Variants in BDP1 observed in about 807,000 individuals in gnomAD.
BDP1 encodes BDP1 general transcription factor IIIB subunit, also known as transcription factor TFIIIB component B'' homolog.
BDP1 carries 169 observed loss-of-function variants against 266.6 expected under a neutral mutation model. The ratio of observed to expected loss-of-function variants is 0.63; its 90% CI spans 0.56 to 0.72. BDP1 has a LOEUF of 0.72. Among genes scored for constraint, BDP1 ranks in the 30% least tolerant of loss-of-function variants. The pLI is 0.00. For synonymous variants in BDP1, 1,090 were observed against 1,022.4 expected (o/e 1.07, Z -1.26); for missense variants, 3,015 against 3,053.8 (o/e 0.99, Z 0.30).
At chr5:71,513,679 A>T (rs908867496) in intron 19 of BDP1, among the ~76,000 whole-genome samples, 1 of 151,344 alleles carries the variant, frequency 6.6e-6, no homozygotes, top group Non-Finnish European at 1.5e-5. Flanking sequence ...TGATTAAACA[A>T]TTTTCTTCAT....
At chr5:71,518,159 C>T (rs771893142) in intron 22 of BDP1, among the ~76,000 whole-genome samples, 4 of 152,186 alleles carry the variant, frequency 2.6e-5, no homozygotes, top group Non-Finnish European at 4.4e-5. Context: ...TTAGTAAAAA[C>T]GCCTTTCCTT....
At chr5:71,504,492 T>A in intron 15 of BDP1, 129 bp from the exon 16 acceptor site, 1 of 779,536 alleles carries the variant, frequency 1.3e-6, no homozygotes, top group East Asian at 2.8e-5. Flanking sequence ...ACATTAAAAG[T>A]ATTTTAAAGT....
At position 71,514,982 on chromosome 5, in the gene BDP1, A is replaced by G. The variant is rs1459398603; in HGVS notation, c.4509A>G (p.Thr1503=). 6.2e-7 allele frequency: 1 copy of G among 1,611,310 alleles called. No individual in the cohort carries two copies. The highest frequency in any genetic ancestry group is 1.1e-5 in the South Asian group (1 of 90,156). The change falls in exon 20 of 39, where the codon ACA becomes ACG. Residue 1503 remains threonine (T), a synonymous_variant. Transcript: ENST00000358731. ...ASLMISREKD[T]LGHRNEEAVI... ...TAATGATATCAAGAGAAAAAGACACATTAGGTCACAGGAATGAGGAGGCTG... is the reference window on the plus strand; with the variant it reads ...TAATGATATCAAGAGAAAAAGACACGTTAGGTCACAGGAATGAGGAGGCTG...
In BDP1 at chr5:71,532,380, G is replaced by GT; in HGVS notation, c.5846dup (p.Thr1950AspfsTer3). ...TGAACATGAGCTACCAAACACAGAT[G>GT]TGACTACTGAAGAAATGAAACAAGA... On this transcript the variant is annotated frameshift_variant, in exon 26 of 39. Coordinates refer to ENST00000358731, the MANE Select transcript of BDP1 (RefSeq NM_018429.3). LOFTEE classifies it high-confidence loss of function. 1 of 1,613,614 alleles carries GT rather than the reference G, an allele frequency of 6.2e-7. No homozygotes were observed. The highest frequency in any genetic ancestry group is 1.1e-5 in the South Asian group (1 of 91,042).
intron 7 of BDP1, among the ~76,000 whole-genome samples, chr5:71,479,105 C>T (rs1056795174): frequency 6.6e-6 from 1 of 151,862 alleles, no homozygotes; most frequent in African/African-American, 2.4e-5. Flanking sequence ...TGCAGTGGTG[C>T]GATCTCGGCT....
In BDP1 at chr5:71,549,609, A is replaced by G; in HGVS notation, c.6995+3A>G. 1 of 1,591,144 alleles carries G rather than the reference A, an allele frequency of 6.3e-7. No homozygotes were observed. The highest frequency in any genetic ancestry group is 8.6e-7 in the Non-Finnish European group (1 of 1,168,292). ...ACCGAAGAAAGGGGTGACATGAGGT[A>G]ACGAATGAGTGAAACTGTTTTTGCT... On this transcript the variant is annotated splice_donor_region_variant and intron_variant, in intron 34 of 38. Coordinates refer to ENST00000358731, the MANE Select transcript of BDP1 (RefSeq NM_018429.3).
chr5:71,487,334 C>T (rs542578727), intron 9 of BDP1, among the ~76,000 whole-genome samples: 57 of 152,144 alleles, frequency 3.7e-4, no homozygotes, highest in African/African-American at 1.2e-3. Context: ...CTCCGCCTTC[C>T]GGGTTCACGC....
At chr5:71,504,054 C>T (rs1580090072) in intron 15 of BDP1, among the ~76,000 whole-genome samples, 1 of 150,962 alleles carries the variant, frequency 6.6e-6, no homozygotes, top group Non-Finnish European at 1.5e-5. Flanking sequence ...GGGCGGATCA[C>T]GAGGTCAGGA....
chr5:71,510,527 G>A lies in BDP1; in HGVS notation c.3435G>A (p.Leu1145=). Reference sequence around the variant, plus strand: ...CCACTGAGGAAATAGACAAAGATCTGGAAGAAACTGGAAGAAGAGAAATAT... The same window carrying A: ...CCACTGAGGAAATAGACAAAGATCTAGAAGAAACTGGAAGAAGAGAAATAT... ...IDATEEIDKD[L]EETGRREISP... Residue 1145 remains leucine (L), a synonymous_variant, in exon 17 of 39, where the codon CTG becomes CTA. Transcript: ENST00000358731. The A allele has an allele frequency of 6.2e-7, 1 of 1,613,880 alleles. No individual in the cohort carries two copies. The highest frequency in any genetic ancestry group is 8.5e-7 in the Non-Finnish European group (1 of 1,179,978).
At position 71,462,441 on chromosome 5, in the gene BDP1, C is replaced by CT. The variant is rs1761635066; in HGVS notation, c.599+518dup. Among the ~76,000 whole-genome samples the CT allele has an allele frequency of 2.0e-5, 3 of 152,204 alleles. No homozygotes were observed. In the South Asian group the frequency reaches 6.2e-4, roughly 32 times the overall value. Reference sequence around the variant, plus strand: ...CTTTCTGGGGATGGTAGATTATGCCCTTTATTTCTGAGATTAAAAATAAAT... The same window carrying CT: ...CTTTCTGGGGATGGTAGATTATGCCCTTTTATTTCTGAGATTAAAAATAAAT... On this transcript the variant is annotated intron_variant, in intron 3 of 38. Coordinates refer to ENST00000358731, the MANE Select transcript of BDP1 (RefSeq NM_018429.3).
In BDP1 at chr5:71,545,350, T is replaced by G. The variant is rs1055133474; in HGVS notation, c.6744+131T>G. ...TTTTCTTTATTTCTTCTTTTTTTTT[T>G]GGAGACAGTCTTGTTCTGTTGCCCA... On this transcript the variant is annotated intron_variant, in intron 32 of 38. Coordinates refer to ENST00000358731, the MANE Select transcript of BDP1 (RefSeq NM_018429.3). 45 of 913,670 alleles carry G rather than the reference T, an allele frequency of 4.9e-5. No individual in the cohort carries two copies. The East Asian group carries it at 1.1e-3, about 22-fold the overall frequency. The allele number at this position is 913,670 out of a possible 1,614,324, so 56.6% of individuals were successfully genotyped here.
intron 11 of BDP1, among the ~76,000 whole-genome samples, chr5:71,492,107 C>CT (rs1329224171): frequency 1.3e-5 from 2 of 152,116 alleles, no homozygotes; most frequent in Non-Finnish European, 2.9e-5. Context: ...AGAAGATTTC[C>CT]TTTTTTATGA....
intron 7 of BDP1, among the ~76,000 whole-genome samples, chr5:71,478,162 G>A (rs1580015485): frequency 6.6e-6 from 1 of 152,088 alleles, no homozygotes; most frequent in Non-Finnish European, 1.5e-5. Flanking sequence ...AGGCAGGAGA[G>A]TCGCTTGAAC....
chr5:71,483,751 C>A, intron 7 of BDP1, 91 bp from the exon 8 acceptor site: 3 of 900,940 alleles, frequency 3.3e-6, no homozygotes, highest in Admixed American at 4.2e-5. Context: ...GTATGTTATT[C>A]CTAAGAGTTT....
chr5:71,479,824 G>A (rs935982133), intron 7 of BDP1, among the ~76,000 whole-genome samples: 2 of 152,098 alleles, frequency 1.3e-5, no homozygotes, highest in African/African-American at 2.4e-5. Flanking sequence ...GGGATTACAG[G>A]CGTGAGCCAC....
At chr5:71,552,789 C>G (rs942256664) in intron 34 of BDP1, among the ~76,000 whole-genome samples, 2 of 152,298 alleles carry the variant, frequency 1.3e-5, no homozygotes, top group South Asian at 2.1e-4. Flanking sequence ...AGCTTCGGCT[C>G]GGCATCAGAG....
intron 30 of BDP1, among the ~76,000 whole-genome samples, chr5:71,543,980 A>G (rs182594262): frequency 3.3e-5 from 5 of 152,332 alleles, no homozygotes; most frequent in African/African-American, 1.2e-4. Context: ...TTGTGATATT[A>G]TTCTTTGCAG....
chr5:71,469,645 G>A (rs112606873), intron 6 of BDP1, among the ~76,000 whole-genome samples: 1,647 of 150,774 alleles, frequency 0.011, 34 homozygotes, highest in African/African-American at 0.037. Flanking sequence ...GTGGAGTCTC[G>A]CTCTTTCGCC....
chr5:71,473,360 C>T (rs952428354), intron 7 of BDP1, among the ~76,000 whole-genome samples: 15 of 144,594 alleles, frequency 1.0e-4, no homozygotes, highest in African/African-American at 2.3e-4. Flanking sequence ...CTGCAAGCTC[C>T]GCCTCCTGGG....
Sources: gnomAD v4.1 joint callset for allele counts (sites outside exome capture counted in the v4.1 genomes callset) on GRCh38, gnomAD v4.1.1 for gene constraint, MANE v1.5 for transcripts, NCBI Gene and HGNC (gene_info 2026-07-23, HGNC 2026-07-21) for gene names.